Variants in MIER2 observed in about 807,000 individuals in gnomAD.
MIER2 encodes MIER family member 2.
In MIER2, 30 loss-of-function variants were observed where a neutral mutation model predicts 67.6. That is an observed-to-expected ratio of 0.44 (90% CI 0.33 to 0.60). The LOEUF (loss-of-function observed/expected upper bound fraction) is 0.60, where lower values mean the gene tolerates loss of function less well. MIER2 is among the 20% of genes least tolerant of loss of function. The probability of loss-of-function intolerance (pLI) is 0.02; values close to 1 mark genes in which losing one functional copy is unlikely to be tolerated. For missense variants in MIER2, 702 were observed against 745.1 expected (o/e 0.94, Z 0.67); for synonymous variants, 372 against 312.6 (o/e 1.19, Z -2.00).
intron 2 of MIER2, 61 bp from the exon 3 acceptor site, chr19:334,603 G>T: frequency 6.3e-7 from 1 of 1,579,172 alleles, no homozygotes. Flanking sequence ...CCATCCTGCC[G>T]AGACTACTGA....
At chr19:309,044 C>T (rs2145332547) in intron 10 of MIER2, 119 bp from the exon 11 acceptor site, 8 of 1,413,556 alleles carry the variant, frequency 5.7e-6, no homozygotes, top group Non-Finnish European at 7.6e-6. Context: ...GCACCCACCA[C>T]TCTCAGATAA....
chr19:306,539 ACCTCACCCCAGT>A lies in MIER2; in HGVS notation c.*139_*150del. The A allele has an allele frequency of 9.4e-7, 1 of 1,059,052 alleles. No individual in the cohort carries two copies. The highest frequency in any genetic ancestry group is 1.5e-5 in the South Asian group (1 of 65,572). The allele number at this position is 1,059,052 out of a possible 1,614,324, so 65.6% of individuals were successfully genotyped here. A position where few individuals can be genotyped will look rare whatever the true frequency, so the allele number is the denominator to read the frequency against. ...AGGGGCAAGGGCTCACGGCCCAGCCACCTCACCCCAGTCCTGACGTGTTCTGAAGCAGAAGGA... is the reference window on the plus strand; with the variant it reads ...AGGGGCAAGGGCTCACGGCCCAGCCACCTGACGTGTTCTGAAGCAGAAGGA... On this transcript the variant is annotated 3_prime_UTR_variant, in exon 14 of 14. Transcript: ENST00000264819.
intron 3 of MIER2, among the ~76,000 whole-genome samples, chr19:328,406 C>T (rs950490857): frequency 6.0e-5 from 9 of 150,668 alleles, no homozygotes; most frequent in Non-Finnish European, 8.9e-5. Context: ...TGGTAAAATC[C>T]GACATCTATT....
chr19:326,793 T>C (rs1971772256), intron 5 of MIER2, 195 bp from the exon 6 acceptor site: 1 of 596,678 alleles, frequency 1.7e-6, no homozygotes, highest in South Asian at 2.1e-5. Context: ...TTCCCTTCTA[T>C]GCAGCTGCTG....
intron 3 of MIER2, among the ~76,000 whole-genome samples, chr19:332,191 G>A (rs1009304509): frequency 3.3e-5 from 5 of 151,778 alleles, no homozygotes; most frequent in Non-Finnish European, 5.9e-5. Flanking sequence ...GGCAATTTTC[G>A]TATTCTTTTT....
intron 9 of MIER2, 118 bp from the exon 10 acceptor site, chr19:312,057 A>G (rs1365952800): frequency 7.9e-7 from 1 of 1,270,604 alleles, no homozygotes; most frequent in African/African-American, 1.5e-5. Flanking sequence ...AGCGGAAGGA[A>G]GGCCCAGGCC....
At chr19:328,096 C>T in intron 3 of MIER2, 107 bp from the exon 4 acceptor site, 3 of 1,482,790 alleles carry the variant, frequency 2.0e-6, no homozygotes, top group Non-Finnish European at 2.7e-6. Flanking sequence ...GCCACTCTGT[C>T]ACACCCATAG....
In MIER2 at chr19:336,207, G is replaced by A. The variant is rs779684707; in HGVS notation, c.10-34C>T. The A allele has an allele frequency of 2.2e-5, 35 of 1,574,138 alleles. No individual in the cohort carries two copies. The East Asian group carries it at 3.6e-4, about 16-fold the overall frequency. ...GAAGAGAGGCAGGGTTAGCTCGGCC[G>A]GCCCAAAACCTGCTGCTGGACATCA... On this transcript the variant is annotated intron_variant, in intron 1 of 13. Coordinates refer to ENST00000264819, the MANE Select transcript of MIER2 (RefSeq NM_017550.3).
At chr19:326,470 C>A (rs530608121) in intron 6 of MIER2, 37 bp downstream of exon 6, 8 of 1,578,828 alleles carry the variant, frequency 5.1e-6, no homozygotes, top group Non-Finnish European at 7.0e-6. Context: ...GAACCACGGC[C>A]GGGATGCCAG....
intron 7 of MIER2, among the ~76,000 whole-genome samples, chr19:321,107 G>A (rs1030788917): frequency 1.3e-5 from 2 of 152,150 alleles, no homozygotes; most frequent in African/African-American, 4.8e-5. Context: ...CACCTCAGCT[G>A]GAACTGTACG....
intron 8 of MIER2, among the ~76,000 whole-genome samples, chr19:313,140 C>A (rs1971084404): frequency 7.4e-6 from 1 of 134,686 alleles, no homozygotes; most frequent in South Asian, 2.7e-4. Context: ...CACCACCCTC[C>A]TGGGCGATGT....
At chr19:320,016 G>A (rs888970556) in intron 7 of MIER2, among the ~76,000 whole-genome samples, 18 of 152,150 alleles carry the variant, frequency 1.2e-4, no homozygotes. Context: ...CACTGCACCA[G>A]GGGATACACA....
rs774457154 is a variant in MIER2 at position 307,351 on chromosome 19, G to C, written c.1384C>G (p.Pro462Ala). 8 of 1,605,482 alleles carry C rather than the reference G, an allele frequency of 5.0e-6. No individual in the cohort carries two copies. In the East Asian group the frequency reaches 1.8e-4, roughly 36 times the overall value. The change falls in exon 13 of 14, where the codon CCG (proline) becomes GCG (alanine). Residue 462 changes from proline to alanine, a missense_variant. By Grantham distance (27) the Pro-to-Ala change is conservative (BLOSUM62 -1). Coordinates refer to ENST00000264819, the MANE Select transcript of MIER2 (RefSeq NM_017550.3). ...AGCCTTGGGCTGGCGTCTGGCTCCGGAGCAGTGACAGCTGGCTGGTATGAG... is the reference window on the plus strand; with the variant it reads ...AGCCTTGGGCTGGCGTCTGGCTCCGCAGCAGTGACAGCTGGCTGGTATGAG... The part of the protein sequence containing the change: ...PASYQPAVTA[P>A]EPDASPRLAV...
At chr19:340,866 G>A (rs538929315) in intron 1 of MIER2, among the ~76,000 whole-genome samples, 2 of 152,148 alleles carry the variant, frequency 1.3e-5, no homozygotes, top group African/African-American at 4.8e-5. Context: ...GCAAACAGAA[G>A]ACAGAGGGAA....
intron 13 of MIER2, 125 bp from the exon 14 acceptor site, chr19:306,836 G>T (rs146930095): frequency 3.2e-4 from 473 of 1,455,948 alleles, no homozygotes; most frequent in Middle Eastern, 2.8e-3. Context: ...TATGGCAGCC[G>T]GGCCCGGGGT....
At chr19:333,936 C>T (rs983317422) in intron 3 of MIER2, among the ~76,000 whole-genome samples, 6 of 152,154 alleles carry the variant, frequency 3.9e-5, no homozygotes, top group African/African-American at 7.2e-5. Context: ...TTGTGATCCG[C>T]GCACCTCGGC....
chr19:331,360 G>GGAAAAAAAAAAAA (rs1555692442), intron 3 of MIER2, among the ~76,000 whole-genome samples: 1 of 117,964 alleles, frequency 8.5e-6, no homozygotes, highest in Admixed American at 8.9e-5. Context: ...TCTGTCCCCA[G>GGAAAAAAAAAAAA]AAAAAAAAAA....
chr19:334,832 A>C (rs981515805), intron 2 of MIER2, among the ~76,000 whole-genome samples: 1 of 152,128 alleles, frequency 6.6e-6, no homozygotes, highest in Non-Finnish European at 1.5e-5. Context: ...TTGGGGAGCA[A>C]GTGGACTAGA....
At chr19:339,954 G>A (rs578105268) in intron 1 of MIER2, among the ~76,000 whole-genome samples, 25 of 152,260 alleles carry the variant, frequency 1.6e-4, no homozygotes, top group Middle Eastern at 3.4e-3. Flanking sequence ...ACATTAAAAC[G>A]GTGAACTGCA....
Sources: gnomAD v4.1 joint callset for allele counts (sites outside exome capture counted in the v4.1 genomes callset) on GRCh38, gnomAD v4.1.1 for gene constraint, MANE v1.5 for transcripts, NCBI Gene and HGNC (gene_info 2026-07-23, HGNC 2026-07-21) for gene names.